Variants in CD109 observed in about 807,000 individuals in gnomAD.
The protein encoded by CD109 is CD109 antigen.
Under a neutral mutation model 165.8 loss-of-function variants are expected in CD109, and 149 were observed. The observed-to-expected ratio is 0.90, with a 90% CI of 0.79 to 1.03. The LOEUF (loss-of-function observed/expected upper bound fraction) is 1.03. Ranked by LOEUF, CD109 falls within the 50% of genes least tolerant of loss-of-function variation. The pLI is 0.00. For synonymous variants in CD109, 585 were observed against 592.1 expected (o/e 0.99, Z 0.18); for missense variants, 1,712 against 1,677.8 (o/e 1.02, Z -0.36).
chr6:73,802,257 A>ATGTGTG (rs533767572), intron 23 of CD109, among the ~76,000 whole-genome samples: 23 of 100,374 alleles, frequency 2.3e-4, no homozygotes, highest in African/African-American at 3.8e-4. Context: ...GCATGTGTAT[A>ATGTGTG]TGTGTGTGTG....
chr6:73,704,529 C>T (rs1213713967), intron 2 of CD109, among the ~76,000 whole-genome samples: 2 of 152,166 alleles, frequency 1.3e-5, no homozygotes, highest in African/African-American at 4.8e-5. Context: ...CCAAGTTAAA[C>T]ATGTGCTGCT....
chr6:73,739,084 T>A (rs1772652274), intron 5 of CD109, among the ~76,000 whole-genome samples: 1 of 152,232 alleles, frequency 6.6e-6, no homozygotes, highest in African/African-American at 2.4e-5. Flanking sequence ...TAGAAAGCAG[T>A]ATTTTCTTAA....
the CD109 span, among the ~76,000 whole-genome samples, chr6:73,683,682 GGC>G: frequency 6.6e-6 from 1 of 152,128 alleles, no homozygotes; most frequent in Admixed American, 6.6e-5. Flanking sequence ...CCCGAGACTG[GGC>G]AATTTACAAA....
At position 73,787,242 on chromosome 6, in the gene CD109, AATC is replaced by A. The variant is rs1274749190; in HGVS notation, c.2349_2351del (p.Ile784del). The A allele has an allele frequency of 6.2e-7, 1 of 1,604,440 alleles. No individual in the cohort carries two copies. The highest frequency in any genetic ancestry group is 1.7e-5 in the Admixed American group (1 of 59,914). ...TTATTTTTTTCTTTCAGGTTAAGGTAATCATTGAGAAAAGTGACAAATTTGATA... is the reference window on the plus strand; with the variant it reads ...TTATTTTTTTCTTTCAGGTTAAGGTAATTGAGAAAAGTGACAAATTTGATA... On this transcript the variant is annotated inframe_deletion, in exon 21 of 33. Coordinates refer to ENST00000287097, the MANE Select transcript of CD109 (RefSeq NM_133493.5).
intron 5 of CD109, among the ~76,000 whole-genome samples, chr6:73,744,062 A>G (rs1772888764): frequency 6.6e-6 from 1 of 152,238 alleles, no homozygotes; most frequent in African/African-American, 2.4e-5. Context: ...TATATATGTA[A>G]AATTTACCAT....
At chr6:73,820,365 C>T in intron 31 of CD109, 96 bp from the exon 32 acceptor site, 1 of 630,726 alleles carries the variant, frequency 1.6e-6, no homozygotes, top group Non-Finnish European at 2.8e-6. Flanking sequence ...AAGTGTTAGT[C>T]TCTGTTTCCT....
the CD109 span, among the ~76,000 whole-genome samples, chr6:73,685,578 T>A: frequency 1.3e-5 from 2 of 152,212 alleles, no homozygotes; most frequent in Middle Eastern, 3.2e-3. Context: ...TTCAATAGTT[T>A]TTGGGGTACA....
intron 21 of CD109, 70 bp downstream of exon 21, chr6:73,787,522 T>C: frequency 8.6e-7 from 1 of 1,162,206 alleles, no homozygotes; most frequent in Non-Finnish European, 1.2e-6. Flanking sequence ...AGGTTTTTTC[T>C]CTTGGTTAAA....
intron 2 of CD109, among the ~76,000 whole-genome samples, chr6:73,714,365 C>A (rs1663551455): frequency 1.3e-5 from 2 of 152,196 alleles, no homozygotes; most frequent in Admixed American, 1.3e-4. Flanking sequence ...GAAGGTCTGG[C>A]CCTTTCGCCC....
Position 73,814,980 on chromosome 6 carries a change from G to A in CD109, c.3769-1G>A. The A allele has an allele frequency of 6.6e-7, 1 of 1,514,666 alleles. No individual in the cohort carries two copies. Among genetic ancestry groups the A allele is most frequent in the East Asian group, 2.5e-5 (1 of 39,634 alleles). 93.8% of individuals were successfully genotyped at this position (1,514,666 alleles called of 1,614,324 possible). On this transcript the variant is annotated splice_acceptor_variant, in intron 29 of 32. Transcript: ENST00000287097. LOFTEE classifies it high-confidence loss of function. ...TATTTATGCTAGTTTATTTTTTACA[G>A]CTCAATGTTGTATATAATGTGAAGG...
rs369413663 is a variant in CD109 at position 73,782,741 on chromosome 6, A to G, written c.2091A>G (p.Leu697=). 1.9e-6 allele frequency: 3 copies of G among 1,613,882 alleles called. No homozygotes were observed. In the African/African-American group the frequency reaches 4.0e-5, roughly 22 times the overall value. The change falls in exon 18 of 33, where the codon CTA becomes CTG. Residue 697 remains leucine (L), a synonymous_variant. Coordinates refer to ENST00000287097, the MANE Select transcript of CD109 (RefSeq NM_133493.5). ...ATTTTCCAGAGACTTGGATTTGGCTAGACACCAACATGGGGTAAAAATTTA... is the reference window on the plus strand; with the variant it reads ...ATTTTCCAGAGACTTGGATTTGGCTGGACACCAACATGGGGTAAAAATTTA... ...RKHFPETWIW[L]DTNMGYRIYQ...
At chr6:73,756,774 T>A in intron 6 of CD109, 92 bp downstream of exon 6, 1 of 892,292 alleles carries the variant, frequency 1.1e-6, no homozygotes, top group Non-Finnish European at 1.7e-6. Context: ...TTATTTGAAG[T>A]AAAAATCTCA....
At chr6:73,736,683 C>T (rs1772557935) in intron 5 of CD109, among the ~76,000 whole-genome samples, 175 bp downstream of exon 5, 1 of 152,132 alleles carries the variant, frequency 6.6e-6, no homozygotes, top group Non-Finnish European at 1.5e-5. Context: ...ATTTAGCTTT[C>T]ATTCTAACAT....
At chr6:73,737,055 G>T (rs931974192) in intron 5 of CD109, among the ~76,000 whole-genome samples, 2 of 152,146 alleles carry the variant, frequency 1.3e-5, no homozygotes, top group Non-Finnish European at 2.9e-5. Context: ...TAAATGGGGG[G>T]CATTCATTGG....
At chr6:73,688,747 G>C in the CD109 span, among the ~76,000 whole-genome samples, 2 of 144,238 alleles carry the variant, frequency 1.4e-5, no homozygotes, top group Non-Finnish European at 3.0e-5. Context: ...ATAGGGTTCT[G>C]AGAGTTTTTC....
chr6:73,785,482 T>C lies in CD109; in HGVS notation c.2337+5T>C. Reference sequence around the variant, plus strand: ...TATTTGAAAGATGCCACTGAGGTAATGTATTCAAGCTTTTGTTGATCATTT... The same window carrying C: ...TATTTGAAAGATGCCACTGAGGTAACGTATTCAAGCTTTTGTTGATCATTT... On this transcript the variant is annotated splice_donor_5th_base_variant and intron_variant, in intron 20 of 32. Transcript: ENST00000287097. The C allele has an allele frequency of 6.8e-7, 1 of 1,461,560 alleles. No individual in the cohort carries two copies. The highest frequency in any genetic ancestry group is 9.5e-7 in the Non-Finnish European group (1 of 1,049,898). 90.5% of individuals were successfully genotyped at this position (1,461,560 alleles called of 1,614,324 possible).
At chr6:73,820,345 A>C (rs183683490) in intron 31 of CD109, 116 bp from the exon 32 acceptor site, 1 of 580,108 alleles carries the variant, frequency 1.7e-6, no homozygotes, top group African/African-American at 1.9e-5. Flanking sequence ...GACATGTAGA[A>C]ATCCTCCCTA....
Position 73,795,223 on chromosome 6 carries a change from T to G in CD109, c.2878+2421T>G, listed in dbSNP as rs972120657. Among the ~76,000 whole-genome samples the G allele has an allele frequency of 1.5e-3, 164 of 107,932 alleles. 2 individuals carry two copies. Among genetic ancestry groups the G allele is most frequent in the Non-Finnish European group, 3.7e-4 (19 of 51,472 alleles). The allele number at this position is 107,932 out of a possible 152,430, so 70.8% of individuals were successfully genotyped here. A position where few individuals can be genotyped will look rare whatever the true frequency, so the allele number is the denominator to read the frequency against. On this transcript the variant is annotated intron_variant, in intron 23 of 32. Transcript: ENST00000287097. ...AGTTTAATACAATAAGGTAAAATATTTCAGAAAATGCCACATATAACTCCA... is the reference window on the plus strand; with the variant it reads ...AGTTTAATACAATAAGGTAAAATATGTCAGAAAATGCCACATATAACTCCA...
chr6:73,796,605 T>G (rs12189952), intron 23 of CD109, among the ~76,000 whole-genome samples: 82,090 of 152,004 alleles, frequency 0.54, 22,664 homozygotes, highest in African/African-American at 0.65. Context: ...TTGACCTTCA[T>G]TGTATAGCTA....
Sources: gnomAD v4.1 joint callset for allele counts (sites outside exome capture counted in the v4.1 genomes callset) on GRCh38, gnomAD v4.1.1 for gene constraint, MANE v1.5 for transcripts, NCBI Gene and HGNC (gene_info 2026-07-23, HGNC 2026-07-21) for gene names.